The following GRIA4 variants were observed in gnomAD, a reference collection of about 807,000 sequenced individuals.
The protein encoded by GRIA4 is glutamate receptor 4.
A neutral mutation model predicts 104.0 loss-of-function variants in GRIA4; 34 were observed. The ratio of observed to expected loss-of-function variants is 0.33; its 90% CI spans 0.25 to 0.44. The LOEUF (loss-of-function observed/expected upper bound fraction) is 0.44. Among genes scored for constraint, GRIA4 ranks in the 20% least tolerant of loss-of-function variants. The pLI, the probability that GRIA4 is intolerant of heterozygous loss-of-function variation, is 1.00. For missense variants in GRIA4, 750 were observed against 1,096.5 expected (o/e 0.68, Z 4.46); for synonymous variants, 386 against 381.9 (o/e 1.01, Z -0.13).
At chr11:105,630,073 G>A (rs1401424127) in intron 3 of GRIA4, among the ~76,000 whole-genome samples, 1 of 152,018 alleles carries the variant, frequency 6.6e-6, no homozygotes, top group Non-Finnish European at 1.5e-5. Flanking sequence ...ACTTTCTTTA[G>A]GTAGTTTTTT....
intron 5 of GRIA4, among the ~76,000 whole-genome samples, chr11:105,872,997 C>T (rs564894332): frequency 1.3e-5 from 2 of 152,084 alleles, no homozygotes; most frequent in Admixed American, 6.6e-5. Context: ...CATAGGTATA[C>T]ATGTGCCATG....
At chr11:105,966,071 A>C in intron 14 of GRIA4, 12 of 1,559,722 alleles carry the variant, frequency 7.7e-6, no homozygotes, top group Non-Finnish European at 1.1e-5. Context: ...GGTTAGCCTC[A>C]ATGTCACCAA....
chr11:105,660,057 A>G (rs1187009195), intron 3 of GRIA4, among the ~76,000 whole-genome samples: 2 of 151,810 alleles, frequency 1.3e-5, no homozygotes, highest in Admixed American at 1.3e-4. Flanking sequence ...AAACCGTTAA[A>G]CAAAAGAGGA....
intron 14 of GRIA4, among the ~76,000 whole-genome samples, chr11:105,963,062 A>G (rs530762966): frequency 6.6e-6 from 1 of 152,218 alleles, no homozygotes; most frequent in African/African-American, 2.4e-5. Context: ...AAAAAATAAT[A>G]AAATGTGCTG....
chr11:105,962,592 C>A (rs3824911), intron 14 of GRIA4, among the ~76,000 whole-genome samples: 1 of 151,794 alleles, frequency 6.6e-6, no homozygotes, highest in Non-Finnish European at 1.5e-5. Context: ...ATTCTAGGCC[C>A]GAATCAAATT....
chr11:105,643,873 C>T (rs577041639), intron 3 of GRIA4, among the ~76,000 whole-genome samples: 10 of 152,200 alleles, frequency 6.6e-5, no homozygotes, highest in African/African-American at 2.2e-4. Flanking sequence ...CACAAGTCAC[C>T]GTGTCTGGCT....
rs1859173233 is a variant in GRIA4 at position 105,979,605 on chromosome 11, G to A, written c.2575G>A (p.Ala859Thr). ...CTTTTCTGAAGCCATAAGAAACAAA[G>A]CCAGATTATCCATCACTGGGAGTGT... ...LTFSEAIRNK[A>T]RLSITGSVGE... Residue 859 changes from alanine (A) to threonine (T), a missense_variant, in exon 17 of 17, where the codon GCC becomes ACC. This residue lies in a region of GRIA4 where 68 missense variants were observed against 69.3 expected (regional missense o/e 0.98). Transcript: ENST00000282499. 6.2e-7 allele frequency: 1 copy of A among 1,614,158 alleles called. No individual in the cohort carries two copies. The highest frequency in any genetic ancestry group is 8.5e-7 in the Non-Finnish European group (1 of 1,180,000).
intron 3 of GRIA4, among the ~76,000 whole-genome samples, chr11:105,743,264 C>T (rs979497622): frequency 1.3e-5 from 2 of 152,182 alleles, no homozygotes; most frequent in African/African-American, 4.8e-5. Context: ...TATGCTTACA[C>T]TACTTTAAAA....
chr11:105,615,674 A>T (rs1950582141), intron 3 of GRIA4, among the ~76,000 whole-genome samples: 1 of 151,840 alleles, frequency 6.6e-6, no homozygotes, highest in South Asian at 2.1e-4. Context: ...ATATTGTTGT[A>T]TCACAGGTAG....
At chr11:105,945,194 G>A (rs1948279014) in intron 14 of GRIA4, among the ~76,000 whole-genome samples, 1 of 152,086 alleles carries the variant, frequency 6.6e-6, no homozygotes, top group Non-Finnish European at 1.5e-5. Flanking sequence ...CCCAAGCAAT[G>A]CCCTTCTGTG....
In GRIA4 at chr11:105,846,076, T is replaced by C. The variant is rs576896086; in HGVS notation, c.488-15948T>C. Reference sequence around the variant, plus strand: ...CAAAGCAAAGAAGAAAAATAACTGATCAATAAATATTTATGGTGTGCTTAT... The same window carrying C: ...CAAAGCAAAGAAGAAAAATAACTGACCAATAAATATTTATGGTGTGCTTAT... On this transcript the variant is annotated intron_variant, in intron 4 of 16. Coordinates refer to ENST00000282499, the MANE Select transcript of GRIA4 (RefSeq NM_000829.4). 5.9e-5 allele frequency among the ~76,000 whole-genome samples: 9 copies of C among 152,282 alleles called. 1 individual carries two copies. Among genetic ancestry groups the C allele is most frequent in the African/African-American group, 2.2e-4 (9 of 41,564 alleles).
intron 4 of GRIA4, among the ~76,000 whole-genome samples, chr11:105,810,045 G>A (rs556587234): frequency 5.9e-5 from 9 of 152,080 alleles, no homozygotes; most frequent in Non-Finnish European, 1.3e-4. Flanking sequence ...ACAATTCATT[G>A]GTTTCTACTT....
intron 4 of GRIA4, among the ~76,000 whole-genome samples, chr11:105,778,579 C>T (rs546248237): frequency 2.6e-5 from 4 of 152,180 alleles, no homozygotes; most frequent in African/African-American, 9.6e-5. Flanking sequence ...ATGGCGTGCA[C>T]CTGTAATCCC....
intron 4 of GRIA4, among the ~76,000 whole-genome samples, chr11:105,854,033 G>A (rs1434607518): frequency 6.6e-6 from 1 of 152,102 alleles, no homozygotes; most frequent in Non-Finnish European, 1.5e-5. Context: ...TAAACTTTCA[G>A]TATTTAATTA....
intron 13 of GRIA4, among the ~76,000 whole-genome samples, chr11:105,932,617 G>T (rs1947915299): frequency 6.6e-6 from 1 of 152,140 alleles, no homozygotes; most frequent in Non-Finnish European, 1.5e-5. Flanking sequence ...CAAGTAGACA[G>T]AAGTAATTTA....
intron 3 of GRIA4, among the ~76,000 whole-genome samples, chr11:105,684,673 A>C (rs886215674): frequency 1.3e-5 from 2 of 149,230 alleles, no homozygotes; most frequent in South Asian, 4.2e-4. Context: ...AGTCTTCCTC[A>C]ATCTTATCTC....
intron 3 of GRIA4, among the ~76,000 whole-genome samples, chr11:105,673,235 A>G (rs1421918930): frequency 1.3e-5 from 2 of 152,086 alleles, no homozygotes; most frequent in Non-Finnish European, 2.9e-5. Context: ...CATTGTCCCC[A>G]CATCCTAAGT....
chr11:105,748,681 C>T (rs1177263942), intron 3 of GRIA4, among the ~76,000 whole-genome samples: 2 of 152,160 alleles, frequency 1.3e-5, no homozygotes, highest in East Asian at 3.9e-4. Context: ...CCGCGCCCCG[C>T]CCCTAGAATC....
At chr11:105,755,768 A>G (rs1940272570) in intron 4 of GRIA4, among the ~76,000 whole-genome samples, 2 of 152,214 alleles carry the variant, frequency 1.3e-5, no homozygotes, top group African/African-American at 4.8e-5. Context: ...TAAATAGAAC[A>G]AAAATTTGGT....
Sources: allele counts gnomAD v4.1 joint callset (sites outside exome capture counted in the v4.1 genomes callset), GRCh38; gene constraint gnomAD v4.1.1; regional missense constraint gnomAD v4.1.1; transcripts MANE v1.5; gene names NCBI Gene and HGNC (gene_info 2026-07-23, HGNC 2026-07-21).